Variants in CUX2 observed in about 807,000 individuals in gnomAD.
CUX2 encodes cut like homeobox 2, also known as homeobox protein cut-like 2.
A neutral mutation model predicts 144.8 loss-of-function variants in CUX2; 40 were observed. The ratio of observed to expected loss-of-function variants is 0.28; its 90% confidence interval spans 0.21 to 0.36. The LOEUF (loss-of-function observed/expected upper bound fraction) is 0.36. Ranked by LOEUF, CUX2 falls within the 10% of genes least tolerant of loss-of-function variation. CUX2 has a pLI of 1.00. For synonymous variants in CUX2, 827 were observed against 875.6 expected (o/e 0.94, Z 0.98); for missense variants, 1,615 against 1,994.0 (o/e 0.81, Z 3.62).
chr12:111,213,197 C>T (rs973585486), intron 1 of CUX2, among the ~76,000 whole-genome samples: 1 of 152,118 alleles, frequency 6.6e-6, no homozygotes, highest in Admixed American at 6.5e-5. Context: ...AAATGCTCCT[C>T]GAGTTATGGT....
In CUX2 at chr12:111,253,549, G is replaced by A. The variant is rs74401938; in HGVS notation, c.223-10212G>A. On this transcript the variant is annotated intron_variant, in intron 3 of 21. Coordinates refer to ENST00000261726, the MANE Select transcript of CUX2 (RefSeq NM_015267.4). ...TCCATTCTCCTCCCCTGCACTTGAC[G>A]ACTGTCCCACATTCTCTTTCATGAT... Among the ~76,000 whole-genome samples, 686 of 152,192 alleles carry A rather than the reference G, an allele frequency of 4.5e-3. 5 individuals carry two copies. The highest frequency in any genetic ancestry group is 0.016 in the African/African-American group (664 of 41,504).
chr12:111,325,415 T>C (rs1424869670), intron 18 of CUX2, among the ~76,000 whole-genome samples: 1 of 152,182 alleles, frequency 6.6e-6, no homozygotes, highest in African/African-American at 2.4e-5. Context: ...CCAAAGGGAC[T>C]GTTTATCATT....
At chr12:111,279,889 G>A (rs970741337) in intron 4 of CUX2, among the ~76,000 whole-genome samples, 1 of 152,270 alleles carries the variant, frequency 6.6e-6, no homozygotes, top group Non-Finnish European at 1.5e-5. Flanking sequence ...GGCTGAGGCA[G>A]GAGAATCACT....
chr12:111,128,905 G>T (rs1875262033), intron 1 of CUX2, among the ~76,000 whole-genome samples: 1 of 152,178 alleles, frequency 6.6e-6, no homozygotes, highest in South Asian at 2.1e-4. Context: ...ACCTGTTGCA[G>T]AGCCTTCTCC....
rs747102186 is a variant in CUX2 at position 111,308,339 on chromosome 12, T to C, written c.1158+6T>C. Reference sequence around the variant, plus strand: ...GCACCTGCAGCCTCCCCCAGGTAAGTGTCCCTGCCACCATCCCTGCAGGGC... The same window carrying C: ...GCACCTGCAGCCTCCCCCAGGTAAGCGTCCCTGCCACCATCCCTGCAGGGC... On this transcript the variant is annotated splice_donor_region_variant and intron_variant, in intron 13 of 21. Transcript: ENST00000261726. 2.4e-5 allele frequency: 39 copies of C among 1,614,022 alleles called. No individual in the cohort carries two copies. Among genetic ancestry groups the C allele is most frequent in the Non-Finnish European group, 3.1e-5 (37 of 1,180,020 alleles).
chr12:111,170,249 G>A (rs1009663014), intron 1 of CUX2, among the ~76,000 whole-genome samples: 1 of 152,056 alleles, frequency 6.6e-6, no homozygotes, highest in African/African-American at 2.4e-5. Context: ...GACCAATATG[G>A]AGAAACCCCT....
intron 1 of CUX2, among the ~76,000 whole-genome samples, chr12:111,108,307 T>C (rs2136078696): frequency 6.6e-6 from 1 of 152,316 alleles, no homozygotes; most frequent in East Asian, 1.9e-4. Flanking sequence ...GATCCTCTGC[T>C]GTAAAATTAT....
At chr12:111,318,243 TTC>T (rs57593070) in intron 16 of CUX2, among the ~76,000 whole-genome samples, 18,248 of 119,758 alleles carry the variant, frequency 0.15, 2,154 homozygotes, top group East Asian at 0.65. Flanking sequence ...TTTTTCTTTT[TTC>T]TTTTTTTTTT....
chr12:111,343,615 G>C (rs868852453), intron 21 of CUX2, among the ~76,000 whole-genome samples: 39 of 152,248 alleles, frequency 2.6e-4, no homozygotes, highest in African/African-American at 8.2e-4. Flanking sequence ...CTATAGACCT[G>C]AGTCCATACC....
chr12:111,056,062 G>T (rs1414756702), intron 1 of CUX2, among the ~76,000 whole-genome samples: 2 of 152,212 alleles, frequency 1.3e-5, no homozygotes, highest in Admixed American at 1.3e-4. Flanking sequence ...GGGCTGTTGA[G>T]ATCCGAGGCA....
intron 18 of CUX2, among the ~76,000 whole-genome samples, chr12:111,331,948 C>T (rs923925820): frequency 2.0e-5 from 3 of 151,676 alleles, no homozygotes; most frequent in Non-Finnish European, 4.4e-5. Flanking sequence ...GGTGTGGTGG[C>T]AAACGCTTGT....
intron 19 of CUX2, 72 bp from the exon 20 acceptor site, chr12:111,338,214 C>A: frequency 6.8e-7 from 1 of 1,475,284 alleles, no homozygotes; most frequent in Non-Finnish European, 9.1e-7. Context: ...CTGGCCTATT[C>A]CATGTCTCTC....
At chr12:111,209,969 A>G (rs1306711720) in intron 1 of CUX2, among the ~76,000 whole-genome samples, 1 of 152,210 alleles carries the variant, frequency 6.6e-6, no homozygotes, top group Non-Finnish European at 1.5e-5. Context: ...GCTGATGGCC[A>G]GTTAATCAGA....
At chr12:111,324,646 G>A (rs939746378) in intron 18 of CUX2, among the ~76,000 whole-genome samples, 7 of 151,890 alleles carry the variant, frequency 4.6e-5, no homozygotes, top group South Asian at 2.1e-4. Flanking sequence ...GGTTACAGGC[G>A]TGCGCCACCA....
In CUX2 at chr12:111,348,237, G is replaced by A. The variant is rs772711325; in HGVS notation, c.4373G>A (p.Arg1458Gln). 1.4e-5 allele frequency: 23 copies of A among 1,613,848 alleles called. No homozygotes were observed. Among genetic ancestry groups the A allele is most frequent in the African/African-American group, 5.3e-5 (4 of 74,882 alleles). ...AAGGTGAACCCCAACTTGCAGCGGC[G>A]GCATGAGAAGATGGCCAATCTGAAC... ...SAKVNPNLQR[R>Q]HEKMANLNNI... The change falls in exon 22 of 22, where the codon CGG becomes CAG. Residue 1458 changes from arginine to glutamine, a missense_variant. Arg to Gln is a conservative substitution (Grantham distance 43, BLOSUM62 1). Coordinates refer to ENST00000261726, the MANE Select transcript of CUX2 (RefSeq NM_015267.4).
chr12:111,215,611 G>C lies in CUX2; in HGVS notation c.174+1301G>C, dbSNP rs1002647307. Among the ~76,000 whole-genome samples, 12 of 152,294 alleles carry C rather than the reference G, an allele frequency of 7.9e-5. No individual in the cohort carries two copies. The South Asian group carries it at 1.4e-3, about 18-fold the overall frequency. ...TGGTTTGACTCCAAGAGCCAAGAAGGCATCAGTGATGCCGAGAACCCTTCC... is the reference window on the plus strand; with the variant it reads ...TGGTTTGACTCCAAGAGCCAAGAAGCCATCAGTGATGCCGAGAACCCTTCC... On this transcript the variant is annotated intron_variant, in intron 2 of 21. Transcript: ENST00000261726.
At chr12:111,226,088 C>T (rs1304204027) in intron 3 of CUX2, among the ~76,000 whole-genome samples, 1 of 152,212 alleles carries the variant, frequency 6.6e-6, no homozygotes, top group Non-Finnish European at 1.5e-5. Flanking sequence ...GGACTACAGG[C>T]GTGCGCCACC....
At chr12:111,214,170 TC>T (rs1486041837) in intron 1 of CUX2, 29 bp from the exon 2 acceptor site, 6 of 1,272,722 alleles carry the variant, frequency 4.7e-6, no homozygotes, top group African/African-American at 1.9e-5. Flanking sequence ...TTTCTCTCTC[TC>T]TCTTTTTTTT....
At chr12:111,052,119 C>T (rs921174644) in intron 1 of CUX2, among the ~76,000 whole-genome samples, 3 of 152,096 alleles carry the variant, frequency 2.0e-5, no homozygotes, top group African/African-American at 7.2e-5. Context: ...CCATAGCCCC[C>T]ATGGGTGACC....
Sources: gnomAD v4.1 joint callset for allele counts (sites outside exome capture counted in the v4.1 genomes callset) on GRCh38, gnomAD v4.1.1 for gene constraint, MANE v1.5 for transcripts, NCBI Gene and HGNC (gene_info 2026-07-23, HGNC 2026-07-21) for gene names.